The following XPO4 variants were observed in gnomAD, a reference collection of about 807,000 sequenced individuals.
The protein encoded by XPO4 is exportin-4.
XPO4 carries 39 observed loss-of-function variants against 143.0 expected under a neutral mutation model. That is an observed-to-expected ratio of 0.27 (90% CI 0.21 to 0.36). The LOEUF is 0.36. Among genes scored for constraint, XPO4 ranks in the 10% least tolerant of loss-of-function variants. The pLI is 1.00. For synonymous variants in XPO4, 439 were observed against 474.0 expected, an observed-to-expected ratio of 0.93 and a Z score of 0.96; for missense variants, 907 against 1,348.0, an observed-to-expected ratio of 0.67 and a Z score of 5.12.
chr13:20,847,834 C>T (rs926918222), intron 4 of XPO4, among the ~76,000 whole-genome samples: 1 of 152,136 alleles, frequency 6.6e-6, no homozygotes, highest in African/African-American at 2.4e-5. Flanking sequence ...AATCTTAAGA[C>T]TTCTAAGAGG....
chr13:20,838,077 C>A (rs1393350858), intron 6 of XPO4, among the ~76,000 whole-genome samples: 1 of 152,102 alleles, frequency 6.6e-6, no homozygotes, highest in African/African-American at 2.4e-5. Context: ...CTGCGCCCAG[C>A]CAAGTTATGA....
At chr13:20,860,832 A>G (rs1407258670) in intron 3 of XPO4, among the ~76,000 whole-genome samples, 1 of 152,194 alleles carries the variant, frequency 6.6e-6, no homozygotes, top group Non-Finnish European at 1.5e-5. Flanking sequence ...TCCTCCTCAC[A>G]AACATGTATA....
At chr13:20,857,524 G>C (rs2060155531) in intron 3 of XPO4, among the ~76,000 whole-genome samples, 1 of 151,802 alleles carries the variant, frequency 6.6e-6, no homozygotes, top group African/African-American at 2.4e-5. Context: ...TCAGGAGATA[G>C]AGACCATCCT....
At chr13:20,856,183 A>T in intron 3 of XPO4, 1 of 288,708 alleles carries the variant, frequency 3.5e-6, no homozygotes, top group Non-Finnish European at 5.2e-6. Flanking sequence ...AGATTCCACT[A>T]GTCTGGAGAT....
chr13:20,868,385 A>G (rs2138134216), intron 2 of XPO4: 1 of 675,014 alleles, frequency 1.5e-6, no homozygotes, highest in East Asian at 4.2e-5. Context: ...CACTATATCT[A>G]GGGGGGAAAA....
chr13:20,850,281 G>C (rs575493275), intron 4 of XPO4: 1 of 977,658 alleles, frequency 1.0e-6, no homozygotes, highest in African/African-American at 1.7e-5. Flanking sequence ...AATACTTGCT[G>C]AATAGAAGTG....
intron 1 of XPO4, among the ~76,000 whole-genome samples, chr13:20,884,688 G>C (rs897167379): frequency 2.0e-5 from 3 of 151,936 alleles, no homozygotes; most frequent in African/African-American, 4.8e-5. Flanking sequence ...TCTGGGATTA[G>C]AGGCATGAGC....
At chr13:20,846,686 A>G (rs559784770) in intron 4 of XPO4, among the ~76,000 whole-genome samples, 2 of 152,332 alleles carry the variant, frequency 1.3e-5, no homozygotes, top group Admixed American at 1.3e-4. Context: ...GTAGAAAAGC[A>G]CAACGAAAAT....
rs553424407 is a variant in XPO4 at position 20,778,909 on chromosome 13, A to G, written c.*4813T>C. ...AATATTTAGTGAAAAGACACATTTT[A>G]ACTCCCATTTATGAATTTTAAAAAT... On this transcript the variant is annotated 3_prime_UTR_variant, in exon 23 of 23. Transcript: ENST00000255305. The G allele has an allele frequency of 2.0e-5, 3 of 152,300 alleles. No homozygotes were observed. In the East Asian group the frequency reaches 5.8e-4, roughly 29 times the overall value. 9.4% of individuals were successfully genotyped at this position (152,300 alleles called of 1,614,324 possible). A position where few individuals can be genotyped will look rare whatever the true frequency, so the allele number is the denominator to read the frequency against.
chr13:20,824,283 G>C (rs1342815440), intron 7 of XPO4, among the ~76,000 whole-genome samples: 2 of 152,118 alleles, frequency 1.3e-5, no homozygotes, highest in Non-Finnish European at 2.9e-5. Flanking sequence ...TCCGAAATCT[G>C]TAATTAAATT....
chr13:20,820,253 A>G (rs1421139775), intron 9 of XPO4, among the ~76,000 whole-genome samples: 1 of 152,224 alleles, frequency 6.6e-6, no homozygotes, highest in Non-Finnish European at 1.5e-5. Context: ...CAACACTCCT[A>G]TGTCAAATCT....
At chr13:20,837,953 G>A (rs1219409020) in intron 6 of XPO4, among the ~76,000 whole-genome samples, 6 of 152,060 alleles carry the variant, frequency 3.9e-5, no homozygotes. Context: ...GGGACACAGA[G>A]TCAAACCACA....
At chr13:20,840,942 AT>A (rs146731537) in intron 6 of XPO4, among the ~76,000 whole-genome samples, 12,049 of 152,298 alleles carry the variant, frequency 0.079, 674 homozygotes, top group Non-Finnish European at 0.13. Context: ...AGTATTGCTT[AT>A]CATTTTCAGA....
chr13:20,809,832 T>C lies in XPO4; in HGVS notation c.1309A>G (p.Ile437Val), dbSNP rs1168524080. ...QHAVQVFNSY[I>V]QCHLAAPDGT... ...TCTGGAGCAGCTAGGTGGCACTGAA[T>C]ATAGGAATTGAAAACTTGAACTGCA... The change falls in exon 10 of 23, where the codon ATT (isoleucine) becomes GTT (valine). Residue 437 changes from isoleucine to valine, a missense_variant. By Grantham distance (29) the Ile-to-Val change is conservative. Coordinates refer to ENST00000255305, the MANE Select transcript of XPO4 (RefSeq NM_022459.5). 1.2e-6 allele frequency: 2 copies of C among 1,613,674 alleles called. No individual in the cohort carries two copies. The highest frequency in any genetic ancestry group is 2.2e-5 in the East Asian group (1 of 44,852).
chr13:20,856,759 G>A (rs1183491012), intron 3 of XPO4: 1 of 839,568 alleles, frequency 1.2e-6, no homozygotes, highest in Non-Finnish European at 1.4e-6. Flanking sequence ...ACGCACAACT[G>A]CAGACATATT....
chr13:20,837,312 C>T (rs893788543), intron 6 of XPO4, among the ~76,000 whole-genome samples: 1 of 152,114 alleles, frequency 6.6e-6, no homozygotes, highest in African/African-American at 2.4e-5. Context: ...CAAATTGTCT[C>T]AAGACACCAC....
chr13:20,865,642 G>A (rs1366758064), intron 2 of XPO4: 2 of 940,404 alleles, frequency 2.1e-6, no homozygotes, highest in Non-Finnish European at 2.5e-6. Flanking sequence ...AAAAGTTAAA[G>A]TTAATAATAC....
chr13:20,889,401 T>C (rs1414728425), intron 1 of XPO4, among the ~76,000 whole-genome samples: 1 of 152,142 alleles, frequency 6.6e-6, no homozygotes, highest in Non-Finnish European at 1.5e-5. Flanking sequence ...ATATCAGTGG[T>C]TCTTAATTTA....
At chr13:20,853,126 T>A in intron 4 of XPO4, 2 of 784,652 alleles carry the variant, frequency 2.5e-6, no homozygotes, top group Non-Finnish European at 3.1e-6. Context: ...AGCCCAGGAG[T>A]TCGAGACCAG....
Sources: gnomAD v4.1 joint callset for allele counts (sites outside exome capture counted in the v4.1 genomes callset) on GRCh38, gnomAD v4.1.1 for gene constraint, MANE v1.5 for transcripts, NCBI Gene and HGNC (gene_info 2026-07-23, HGNC 2026-07-21) for gene names.